Variants in MAGI1 observed in about 807,000 individuals in gnomAD.
MAGI1 encodes membrane-associated guanylate kinase, WW and PDZ domain-containing protein 1.
Under a neutral mutation model 139.9 loss-of-function variants are expected in MAGI1, and 58 were observed. That is an observed-to-expected ratio of 0.41 (90% CI 0.34 to 0.52). The LOEUF is 0.52. Among genes scored for constraint, MAGI1 ranks in the 20% least tolerant of loss-of-function variants. The probability of loss-of-function intolerance (pLI) is 0.12; values close to 1 mark genes in which losing one functional copy is unlikely to be tolerated. For synonymous variants in MAGI1, 812 were observed against 737.9 expected, an observed-to-expected ratio of 1.10 and a Z score of -1.63; for missense variants, 1,874 against 1,901.6, an observed-to-expected ratio of 0.99 and a Z score of 0.27.
At chr3:65,652,452 CT>C (rs1293220998) in intron 1 of MAGI1, among the ~76,000 whole-genome samples, 3 of 152,256 alleles carry the variant, frequency 2.0e-5, no homozygotes, top group Middle Eastern at 3.4e-3. Flanking sequence ...AGCGGCACCC[CT>C]GGTCTCTGTC....
At chr3:65,502,292 C>T (rs1187581958) in intron 2 of MAGI1, among the ~76,000 whole-genome samples, 4 of 152,222 alleles carry the variant, frequency 2.6e-5, no homozygotes, top group Non-Finnish European at 4.4e-5. Context: ...GCCTAAGGCT[C>T]TGAGCCCGAG....
At chr3:65,839,633 A>G (rs1001938065) in intron 1 of MAGI1, among the ~76,000 whole-genome samples, 1 of 152,240 alleles carries the variant, frequency 6.6e-6, no homozygotes, top group Admixed American at 6.5e-5. Context: ...TGTAAAATAT[A>G]AACTATAAAA....
chr3:65,768,998 C>A (rs1470649510), intron 1 of MAGI1, among the ~76,000 whole-genome samples: 1 of 151,922 alleles, frequency 6.6e-6, no homozygotes, highest in Non-Finnish European at 1.5e-5. Context: ...AACTTGAAAC[C>A]AGCAAAGAGC....
intron 2 of MAGI1, among the ~76,000 whole-genome samples, chr3:65,560,962 T>C (rs2080318487): frequency 6.6e-6 from 1 of 152,180 alleles, no homozygotes; most frequent in Non-Finnish European, 1.5e-5. Context: ...AGTAGATCTT[T>C]CCTTCAGTAA....
chr3:65,901,129 C>G (rs1160743981), intron 1 of MAGI1, among the ~76,000 whole-genome samples: 2 of 152,116 alleles, frequency 1.3e-5, no homozygotes. Flanking sequence ...TATTTTTGCT[C>G]AAGAGCATTT....
chr3:65,378,307 A>G (rs1466957938), intron 17 of MAGI1, among the ~76,000 whole-genome samples: 1 of 152,178 alleles, frequency 6.6e-6, no homozygotes, highest in Non-Finnish European at 1.5e-5. Context: ...GAAACCCTCA[A>G]TGTCTGGACG....
chr3:65,923,250 G>T (rs1472823052), intron 1 of MAGI1, among the ~76,000 whole-genome samples: 1 of 143,460 alleles, frequency 7.0e-6, no homozygotes, highest in Non-Finnish European at 1.5e-5. Flanking sequence ...TTTTGAGATG[G>T]AGTCTCGCTC....
chr3:65,849,197 G>T (rs903253314), intron 1 of MAGI1, among the ~76,000 whole-genome samples: 3 of 150,852 alleles, frequency 2.0e-5, no homozygotes, highest in Non-Finnish European at 4.4e-5. Context: ...CTAAGTTTTT[G>T]TATTTTTAGT....
At chr3:65,841,435 GTTTT>G (rs1248868605) in intron 1 of MAGI1, among the ~76,000 whole-genome samples, 2 of 116,086 alleles carry the variant, frequency 1.7e-5, no homozygotes, top group African/African-American at 5.8e-5. Context: ...TTTGCTTTTT[GTTTT>G]TGTTTTTGTT....
intron 1 of MAGI1, among the ~76,000 whole-genome samples, chr3:65,671,079 A>G (rs2086828958): frequency 6.6e-6 from 1 of 152,206 alleles, no homozygotes; most frequent in African/African-American, 2.4e-5. Context: ...TCTTCTAAGC[A>G]CTTTACATTA....
intron 1 of MAGI1, among the ~76,000 whole-genome samples, chr3:65,950,688 A>T (rs2063794072): frequency 1.3e-5 from 2 of 152,164 alleles, no homozygotes; most frequent in Admixed American, 6.6e-5. Flanking sequence ...AACTGGTTGG[A>T]ACGGAAATTA....
chr3:65,715,070 A>G (rs1241024414), intron 1 of MAGI1, among the ~76,000 whole-genome samples: 1 of 152,148 alleles, frequency 6.6e-6, no homozygotes, highest in Non-Finnish European at 1.5e-5. Flanking sequence ...CATACAAAAA[A>G]AGAAGGTGGG....
intron 1 of MAGI1, among the ~76,000 whole-genome samples, chr3:65,921,433 C>T (rs575924885): frequency 3.0e-4 from 45 of 151,938 alleles, no homozygotes; most frequent in South Asian, 2.1e-4. Context: ...CTCAGCCTCC[C>T]GAGTAGCTGG....
intron 13 of MAGI1, among the ~76,000 whole-genome samples, chr3:65,400,450 C>T (rs775040451): frequency 6.6e-6 from 1 of 152,118 alleles, no homozygotes; most frequent in Non-Finnish European, 1.5e-5. Context: ...TCAAGGTTCT[C>T]CCTTCCTGGA....
At chr3:66,026,804 G>A (rs2068289428) in intron 1 of MAGI1, among the ~76,000 whole-genome samples, 1 of 151,066 alleles carries the variant, frequency 6.6e-6, no homozygotes, top group South Asian at 2.1e-4. Context: ...AAACACTTTG[G>A]GAAACCATTT....
At chr3:65,385,834 AAC>A (rs1352365049) in intron 14 of MAGI1, among the ~76,000 whole-genome samples, 2 of 152,218 alleles carry the variant, frequency 1.3e-5, no homozygotes, top group Non-Finnish European at 2.9e-5. Flanking sequence ...ACGCTAAGGT[AAC>A]AATATTTTCT....
Position 66,031,208 on chromosome 3 carries a change from T to C in MAGI1, c.313+6788A>G, listed in dbSNP as rs140990961. Among the ~76,000 whole-genome samples the C allele has an allele frequency of 1.4e-3, 214 of 152,338 alleles. 3 individuals carry two copies. In the East Asian group the frequency reaches 0.038, roughly 27 times the overall value. ...AGCCCTTAACGAATTTGACAGCCTTTATTCTCAGTGTATACAAAATCAGTA... is the reference window on the plus strand; with the variant it reads ...AGCCCTTAACGAATTTGACAGCCTTCATTCTCAGTGTATACAAAATCAGTA... On this transcript the variant is annotated intron_variant, in intron 1 of 22. Transcript: ENST00000402939.
Position 66,038,245 on chromosome 3 carries a change from G to A in MAGI1, c.64C>T (p.Arg22Trp). The A allele has an allele frequency of 1.2e-6, 2 of 1,610,946 alleles. No homozygotes were observed. Among genetic ancestry groups the A allele is most frequent in the Non-Finnish European group, 1.7e-6 (2 of 1,179,114 alleles). ...TSRVHECTVK[R>W]GPQGELGVTV... ...ACCCCCAGCTCGCCCTGGGGTCCCCGCTTCACGGTGCATTCGTGAACCCTG... is the reference window on the plus strand; with the variant it reads ...ACCCCCAGCTCGCCCTGGGGTCCCCACTTCACGGTGCATTCGTGAACCCTG... Residue 22 changes from arginine to tryptophan, a missense_variant, in exon 1 of 23, where the codon CGG becomes TGG. Around this residue, in one of 5 missense-constraint regions of MAGI1, gnomAD observed 648 missense variants for 598.1 expected, o/e 1.08. Coordinates refer to ENST00000402939, the MANE Select transcript of MAGI1 (RefSeq NM_001033057.2).
chr3:65,695,401 A>T (rs1408591502), intron 1 of MAGI1, among the ~76,000 whole-genome samples: 6 of 152,300 alleles, frequency 3.9e-5, no homozygotes, highest in Non-Finnish European at 7.4e-5. Flanking sequence ...GAACCAAAGG[A>T]AAACAGAAGG....
Sources: allele counts gnomAD v4.1 joint callset (sites outside exome capture counted in the v4.1 genomes callset), GRCh38; gene constraint gnomAD v4.1.1; regional missense constraint gnomAD v4.1.1; transcripts MANE v1.5; gene names NCBI Gene and HGNC (gene_info 2026-07-23, HGNC 2026-07-21).